The following APBB2 variants were observed in gnomAD, a reference collection of about 807,000 sequenced individuals.
APBB2 encodes Fe65-like 1.
Under a neutral mutation model 82.5 loss-of-function variants are expected in APBB2, and 38 were observed. The ratio of observed to expected loss-of-function variants is 0.46; its 90% CI spans 0.36 to 0.60. The LOEUF is 0.60. Ranked by LOEUF, APBB2 falls within the 20% of genes least tolerant of loss-of-function variation. APBB2 has a pLI of 0.00. For missense variants in APBB2, 772 were observed against 972.3 expected, an observed-to-expected ratio of 0.79 and a Z score of 2.74; for synonymous variants, 341 against 368.2, an observed-to-expected ratio of 0.93 and a Z score of 0.85.
intron 2 of APBB2, among the ~76,000 whole-genome samples, chr4:41,141,304 ATGTGTGTGTCTGTG>A (rs1560860448): frequency 2.0e-5 from 3 of 146,704 alleles, no homozygotes; most frequent in African/African-American, 7.9e-5. Flanking sequence ...GGTCAAAAAT[ATGTGTGTGTCTGTG>A]TGTGTGTGTG....
At chr4:40,848,970 C>A in intron 12 of APBB2, 2 of 937,782 alleles carry the variant, frequency 2.1e-6, no homozygotes, top group Non-Finnish European at 2.5e-6. Context: ...GAGCAAGAAC[C>A]TTTCTGCCTG....
At chr4:40,851,387 C>T (rs753188180) in intron 12 of APBB2, among the ~76,000 whole-genome samples, 2 of 152,188 alleles carry the variant, frequency 1.3e-5, no homozygotes, top group Non-Finnish European at 2.9e-5. Flanking sequence ...TAAAAGGTCA[C>T]TAGCAGATGA....
chr4:41,002,867 G>A (rs1805615032), intron 6 of APBB2, among the ~76,000 whole-genome samples: 1 of 151,938 alleles, frequency 6.6e-6, no homozygotes, highest in Admixed American at 6.6e-5. Context: ...TAAAGTCAGA[G>A]TCATATCCTT....
intron 12 of APBB2, among the ~76,000 whole-genome samples, chr4:40,855,667 C>T (rs376646915): frequency 6.6e-5 from 10 of 151,562 alleles, no homozygotes; most frequent in Admixed American, 3.9e-4. Context: ...ACCTGGGAGG[C>T]AGAGGTTGCA....
At chr4:40,921,937 G>A (rs1781368403) in intron 10 of APBB2, among the ~76,000 whole-genome samples, 1 of 152,204 alleles carries the variant, frequency 6.6e-6, no homozygotes, top group Non-Finnish European at 1.5e-5. Flanking sequence ...CCTGAGCAGC[G>A]TGTCTGCCGA....
chr4:41,159,952 A>AAGG (rs564608504), intron 1 of APBB2, among the ~76,000 whole-genome samples: 6 of 53,766 alleles, frequency 1.1e-4, no homozygotes, highest in African/African-American at 1.5e-4. Flanking sequence ...GGAGAAGGAG[A>AAGG]AGGAGAAGGA....
At chr4:41,012,680 TTCTA>T (rs904656997) in intron 6 of APBB2, among the ~76,000 whole-genome samples, 9 of 152,338 alleles carry the variant, frequency 5.9e-5, no homozygotes, top group Non-Finnish European at 1.0e-4. Flanking sequence ...TCCCTGGTGG[TTCTA>T]TCTATTTTCT....
At chr4:41,092,468 T>C (rs988035158) in intron 3 of APBB2, among the ~76,000 whole-genome samples, 2 of 151,678 alleles carry the variant, frequency 1.3e-5, no homozygotes, top group Non-Finnish European at 2.9e-5. Flanking sequence ...ACAACAAGAG[T>C]AAGATTTGGT....
chr4:40,906,295 A>T (rs1002502487), intron 10 of APBB2, among the ~76,000 whole-genome samples: 2 of 151,668 alleles, frequency 1.3e-5, no homozygotes, highest in African/African-American at 4.8e-5. Context: ...TTTCTACAAA[A>T]AAATTTAAAA....
intron 5 of APBB2, among the ~76,000 whole-genome samples, chr4:41,021,825 T>C (rs1579310826): frequency 6.6e-6 from 1 of 152,162 alleles, no homozygotes; most frequent in Non-Finnish European, 1.5e-5. Context: ...TTATGAGCTA[T>C]AACACTCACT....
chr4:40,993,160 T>C lies in APBB2; in HGVS notation c.835+20423A>G, dbSNP rs937126775. On this transcript the variant is annotated intron_variant, in intron 6 of 17. Transcript: ENST00000508593. ...AGGCAGAGACTATTATTAACCCTAT[T>C]TGACAGAGGAGGAAACGTATGGTGT... is the stretch of plus-strand genomic sequence containing the variant. 9.2e-5 allele frequency among the ~76,000 whole-genome samples: 14 copies of C among 152,218 alleles called. No individual in the cohort carries two copies. The East Asian group carries it at 1.3e-3, about 15-fold the overall frequency.
intron 17 of APBB2, among the ~76,000 whole-genome samples, chr4:40,816,811 C>T (rs1485338770): frequency 6.6e-6 from 1 of 152,114 alleles, no homozygotes; most frequent in Admixed American, 6.5e-5. Context: ...TGTGGAATGC[C>T]TGAAATAGGC....
At chr4:41,209,347 A>G (rs1336565409) in intron 1 of APBB2, among the ~76,000 whole-genome samples, 1 of 152,114 alleles carries the variant, frequency 6.6e-6, no homozygotes, top group Non-Finnish European at 1.5e-5. Flanking sequence ...AAGAAAAAAG[A>G]AAAAAAAGCT....
intron 3 of APBB2, among the ~76,000 whole-genome samples, chr4:41,068,488 A>G (rs1278338849): frequency 6.6e-6 from 1 of 152,204 alleles, no homozygotes. Context: ...GAATGAGATG[A>G]CAGGTAAATG....
At chr4:41,129,247 C>T (rs1049333783) in intron 2 of APBB2, among the ~76,000 whole-genome samples, 2 of 152,150 alleles carry the variant, frequency 1.3e-5, no homozygotes, top group African/African-American at 4.8e-5. Flanking sequence ...TTTGGGGAGT[C>T]AAGACTCCTG....
intron 6 of APBB2, among the ~76,000 whole-genome samples, chr4:40,961,515 G>C (rs1793206836): frequency 9.9e-6 from 1 of 100,818 alleles, no homozygotes; most frequent in Non-Finnish European, 1.9e-5. Flanking sequence ...GAGGGGGGAG[G>C]GATAGCATTG....
Position 41,033,152 on chromosome 4 carries a change from A to G in APBB2, c.19+84T>C, listed in dbSNP as rs186049298. On this transcript the variant is annotated intron_variant, in intron 5 of 17. Transcript: ENST00000508593. ...AAAACATGTTATTTTAGCAAATCATAAGTTTAACATTAAACATTATCTTTT... is the reference window on the plus strand; with the variant it reads ...AAAACATGTTATTTTAGCAAATCATGAGTTTAACATTAAACATTATCTTTT... 19 of 875,748 alleles carry G rather than the reference A, an allele frequency of 2.2e-5. No homozygotes were observed. In the African/African-American group the frequency reaches 2.8e-4, roughly 13 times the overall value. 54.2% of individuals were successfully genotyped at this position (875,748 alleles called of 1,614,324 possible).
At chr4:41,186,618 C>A (rs545356767) in intron 1 of APBB2, among the ~76,000 whole-genome samples, 27 of 152,274 alleles carry the variant, frequency 1.8e-4, no homozygotes, top group African/African-American at 6.5e-4. Flanking sequence ...CAGATCTCTA[C>A]TTTATCTGGA....
At chr4:41,194,941 T>C in intron 1 of APBB2, among the ~76,000 whole-genome samples, 1 of 152,192 alleles carries the variant, frequency 6.6e-6, no homozygotes. Flanking sequence ...GTGTGATTTA[T>C]TTTTAGATCT....
Sources: allele counts gnomAD v4.1 joint callset (sites outside exome capture counted in the v4.1 genomes callset), GRCh38; gene constraint gnomAD v4.1.1; transcripts MANE v1.5; gene names NCBI Gene and HGNC (gene_info 2026-07-23, HGNC 2026-07-21).